The following CDH4 variants were observed in gnomAD, a reference collection of about 807,000 sequenced individuals.
The protein encoded by CDH4 is cadherin 4.
A neutral mutation model predicts 86.0 loss-of-function variants in CDH4; 33 were observed. That is an observed-to-expected ratio of 0.38 (90% CI 0.29 to 0.51). The LOEUF is 0.51. Among genes scored for constraint, CDH4 ranks in the 20% least tolerant of loss-of-function variants. The pLI, the probability that CDH4 is intolerant of heterozygous loss-of-function variation, is 0.86. For synonymous variants in CDH4, 555 were observed against 549.4 expected (o/e 1.01, Z -0.14); for missense variants, 1,114 against 1,307.4 (o/e 0.85, Z 2.28).
chr20:61,465,229 C>G (rs1261519407), intron 2 of CDH4, among the ~76,000 whole-genome samples: 1 of 152,154 alleles, frequency 6.6e-6, no homozygotes, highest in Non-Finnish European at 1.5e-5. Flanking sequence ...ATGAGAATAG[C>G]TAACCTGCTG....
intron 2 of CDH4, among the ~76,000 whole-genome samples, chr20:61,533,993 T>G (rs988450860): frequency 2.7e-5 from 4 of 150,788 alleles, no homozygotes; most frequent in African/African-American, 9.8e-5. Context: ...ACCTCCTGTT[T>G]AGAGAGATAA....
intron 2 of CDH4, among the ~76,000 whole-genome samples, chr20:61,572,872 GAC>G (rs1363051755): frequency 1.3e-5 from 2 of 150,934 alleles, no homozygotes; most frequent in Non-Finnish European, 3.0e-5. Context: ...TGGATGGACA[GAC>G]AGAGGGAGAG....
intron 2 of CDH4, among the ~76,000 whole-genome samples, chr20:61,575,974 T>C (rs1429464885): frequency 6.6e-6 from 1 of 152,098 alleles, no homozygotes; most frequent in Admixed American, 6.5e-5. Context: ...GGCTTCGTCC[T>C]TGGGTTTTGG....
intron 2 of CDH4, among the ~76,000 whole-genome samples, chr20:61,672,494 C>T (rs944259): frequency 0.56 from 85,378 of 151,980 alleles, 24,159 homozygotes; most frequent in South Asian, 0.58. Flanking sequence ...GAGGGTAGGC[C>T]CTGTCCGTGA....
chr20:61,658,410 TC>T (rs2087215433), intron 2 of CDH4, among the ~76,000 whole-genome samples: 1 of 152,160 alleles, frequency 6.6e-6, no homozygotes, highest in African/African-American at 2.4e-5. Flanking sequence ...GAGTCATTGT[TC>T]CCTCTGAGCT....
chr20:61,386,205 G>A (rs984772214), intron 2 of CDH4, among the ~76,000 whole-genome samples: 1 of 152,168 alleles, frequency 6.6e-6, no homozygotes, highest in Non-Finnish European at 1.5e-5. Context: ...GAGGTCTTCA[G>A]CCCCTGTGGG....
chr20:61,767,922 G>A (rs1040180568), intron 3 of CDH4, among the ~76,000 whole-genome samples: 6 of 152,318 alleles, frequency 3.9e-5, no homozygotes, highest in South Asian at 2.1e-4. Flanking sequence ...CAGCAGCTCC[G>A]GGAAGCTGCC....
At chr20:61,453,500 C>T (rs1018845056) in intron 2 of CDH4, among the ~76,000 whole-genome samples, 4 of 152,090 alleles carry the variant, frequency 2.6e-5, no homozygotes, top group Admixed American at 2.6e-4. Context: ...CCACCCACTT[C>T]TTAGGTCCTC....
Position 61,485,379 on chromosome 20 carries a change from C to T in CDH4, c.169+230442C>T, listed in dbSNP as rs987689718. ...ATTCCCTATTGTGAAAGCATCCCTG[C>T]GGAGGAGGCTGCAGTTAGCACACCA... On this transcript the variant is annotated intron_variant, in intron 2 of 15. Coordinates refer to ENST00000614565, the MANE Select transcript of CDH4 (RefSeq NM_001794.5). 2.6e-5 allele frequency among the ~76,000 whole-genome samples: 4 copies of T among 152,162 alleles called. No homozygotes were observed. In the East Asian group the frequency reaches 5.8e-4, roughly 22 times the overall value.
chr20:61,906,964 A>G (rs912747900), intron 8 of CDH4, among the ~76,000 whole-genome samples: 2 of 151,846 alleles, frequency 1.3e-5, no homozygotes, highest in African/African-American at 4.8e-5. Flanking sequence ...TGAGTCCTCC[A>G]CCAGCCACTG....
intron 2 of CDH4, among the ~76,000 whole-genome samples, chr20:61,272,287 C>G (rs1214637511): frequency 6.6e-6 from 1 of 152,188 alleles, no homozygotes; most frequent in Non-Finnish European, 1.5e-5. Context: ...TTCAAGGAGG[C>G]ACTAATTAAT....
At chr20:61,646,090 G>A (rs1486413952) in intron 2 of CDH4, among the ~76,000 whole-genome samples, 7 of 152,144 alleles carry the variant, frequency 4.6e-5, no homozygotes, top group Non-Finnish European at 7.4e-5. Context: ...GTCACTCACA[G>A]CCCAGGTCAT....
rs151326104 is a variant in CDH4 at position 61,557,174 on chromosome 20, G to A, written c.170-186389G>A. Among the ~76,000 whole-genome samples the A allele has an allele frequency of 2.1e-3, 317 of 152,272 alleles. 3 individuals carry two copies. The Middle Eastern group carries it at 0.027, about 13-fold the overall frequency. ...GCTGGAGTGGACACGTTCTGTGATC[G>A]AAGACAGGATCTTTCTCTAAAGGGC... On this transcript the variant is annotated intron_variant, in intron 2 of 15. Coordinates refer to ENST00000614565, the MANE Select transcript of CDH4 (RefSeq NM_001794.5).
intron 4 of CDH4, among the ~76,000 whole-genome samples, chr20:61,836,386 A>G (rs1182040393): frequency 6.6e-6 from 1 of 152,222 alleles, no homozygotes; most frequent in East Asian, 1.9e-4. Context: ...CAGATCTGTG[A>G]GAACATATTC....
chr20:61,647,542 T>TCCCTCTCTCC (rs1600837013), intron 2 of CDH4, among the ~76,000 whole-genome samples: 1 of 108,228 alleles, frequency 9.2e-6, no homozygotes, highest in Non-Finnish European at 2.1e-5. Flanking sequence ...TCCCTCTCCC[T>TCCCTCTCTCC]CTCCCTCTCC....
chr20:61,588,143 AC>A (rs2086492315), intron 2 of CDH4, among the ~76,000 whole-genome samples: 1 of 152,180 alleles, frequency 6.6e-6, no homozygotes, highest in African/African-American at 2.4e-5. Context: ...GCCTGCCACG[AC>A]CCTTCTGGAA....
intron 2 of CDH4, among the ~76,000 whole-genome samples, chr20:61,637,492 T>A (rs971220791): frequency 1.3e-5 from 2 of 152,242 alleles, no homozygotes; most frequent in African/African-American, 4.8e-5. Context: ...CAGCTCTTTC[T>A]CACCCCTGTG....
At chr20:61,302,321 G>T (rs1290849099) in intron 2 of CDH4, among the ~76,000 whole-genome samples, 1 of 152,220 alleles carries the variant, frequency 6.6e-6, no homozygotes, top group Non-Finnish European at 1.5e-5. Context: ...GTGCAGATGT[G>T]TTTGCTGTCT....
chr20:61,883,079 C>T (rs1038430300), intron 7 of CDH4, among the ~76,000 whole-genome samples: 27 of 152,052 alleles, frequency 1.8e-4, no homozygotes, highest in African/African-American at 3.1e-4. Context: ...GAAATGAACC[C>T]GGCCCCATTC....
Sources: allele counts gnomAD v4.1 joint callset (sites outside exome capture counted in the v4.1 genomes callset), GRCh38; gene constraint gnomAD v4.1.1; transcripts MANE v1.5; gene names NCBI Gene and HGNC (gene_info 2026-07-23, HGNC 2026-07-21).